The following KIAA0825 variants were observed in gnomAD, a reference collection of about 807,000 sequenced individuals.
KIAA0825 encodes the protein KIAA0825.
KIAA0825 carries 119 observed loss-of-function variants against 147.6 expected under a neutral mutation model. The ratio of observed to expected loss-of-function variants is 0.81; its 90% CI spans 0.69 to 0.94. KIAA0825 has a LOEUF of 0.94. Among genes scored for constraint, KIAA0825 ranks in the 40% least tolerant of loss-of-function variants. The pLI is 0.00. For missense variants in KIAA0825, 1,381 were observed against 1,472.7 expected (o/e 0.94, Z 1.02); for synonymous variants, 470 against 518.1 (o/e 0.91, Z 1.26).
At chr5:94,485,489 G>A (rs188983389) in intron 5 of KIAA0825, among the ~76,000 whole-genome samples, 2 of 151,764 alleles carry the variant, frequency 1.3e-5, no homozygotes, top group East Asian at 1.9e-4. Flanking sequence ...TGCTATTACT[G>A]TATGACTTAA....
chr5:94,556,561 T>C (rs1454391579), intron 2 of KIAA0825, among the ~76,000 whole-genome samples: 2 of 152,224 alleles, frequency 1.3e-5, no homozygotes, highest in Non-Finnish European at 2.9e-5. Flanking sequence ...CATATTAATG[T>C]GGTACTATTT....
At chr5:94,582,963 G>A (rs1374262741) in intron 1 of KIAA0825, among the ~76,000 whole-genome samples, 1 of 152,040 alleles carries the variant, frequency 6.6e-6, no homozygotes, top group African/African-American at 2.4e-5. Context: ...TTCTTGTTTA[G>A]TTACTATTTG....
At chr5:94,414,245 A>G (rs1476415485) in intron 15 of KIAA0825, 2 of 152,192 alleles carry the variant, frequency 1.3e-5, no homozygotes, top group Non-Finnish European at 2.9e-5. Context: ...ATACTTTTTG[A>G]GTATATTACT....
intron 2 of KIAA0825, among the ~76,000 whole-genome samples, chr5:94,540,568 G>A (rs953061857): frequency 6.6e-6 from 1 of 152,182 alleles, no homozygotes; most frequent in African/African-American, 2.4e-5. Flanking sequence ...TGTGTTGTGT[G>A]TGATGTTTAT....
At chr5:94,315,663 CTT>C (rs1375908131) in intron 20 of KIAA0825, among the ~76,000 whole-genome samples, 1 of 151,542 alleles carries the variant, frequency 6.6e-6, no homozygotes, top group Non-Finnish European at 1.5e-5. Context: ...ATTTTTAAAA[CTT>C]AATTTATTCA....
chr5:94,199,905 G>A lies in KIAA0825; in HGVS notation c.3711-45781C>T, dbSNP rs141635809. The stretch of plus-strand genomic sequence containing the variant: ...AAAGTGCTTTAGTGGGGAAGCTGAG[G>A]CTGTGCTGTAAGTTGGTGTGGCCAG... On this transcript the variant is annotated intron_variant, in intron 20 of 20. Coordinates refer to ENST00000682413, the MANE Select transcript of KIAA0825 (RefSeq NM_001145678.3). Among the ~76,000 whole-genome samples the A allele has an allele frequency of 5.9e-5, 9 of 152,318 alleles. No homozygotes were observed. In the East Asian group the frequency reaches 1.5e-3, roughly 26 times the overall value.
chr5:94,225,623 C>G (rs1446541871), intron 20 of KIAA0825, among the ~76,000 whole-genome samples: 1 of 152,190 alleles, frequency 6.6e-6, no homozygotes, highest in Non-Finnish European at 1.5e-5. Flanking sequence ...GAGATGCCAG[C>G]CATCTGCAAT....
At chr5:94,237,907 C>G (rs777835607) in intron 20 of KIAA0825, among the ~76,000 whole-genome samples, 34 of 152,150 alleles carry the variant, frequency 2.2e-4, no homozygotes, top group South Asian at 4.1e-4. Flanking sequence ...GCTTTTGAGT[C>G]TTCTGTATTC....
chr5:94,270,784 G>A (rs916082586), intron 20 of KIAA0825, among the ~76,000 whole-genome samples: 5 of 152,092 alleles, frequency 3.3e-5, no homozygotes, highest in Admixed American at 6.5e-5. Flanking sequence ...GTAAATAAAT[G>A]TATGTATGGA....
At chr5:94,409,696 A>C (rs1196784143) in intron 15 of KIAA0825, among the ~76,000 whole-genome samples, 1 of 152,212 alleles carries the variant, frequency 6.6e-6, no homozygotes, top group Non-Finnish European at 1.5e-5. Context: ...CTAAGTTCAG[A>C]CCAGAGTGGC....
rs1784924411 is a variant in KIAA0825, at chr5:94,594,551, T to C, written c.-152-11968A>G. 3 of 743,248 alleles carry C rather than the reference T, an allele frequency of 4.0e-6. No individual in the cohort carries two copies. In the Admixed American group the frequency reaches 5.4e-5, roughly 13 times the overall value. The allele number at this position is 743,248 out of a possible 1,614,324, so 46.0% of individuals were successfully genotyped here. A position where few individuals can be genotyped will look rare whatever the true frequency, so the allele number is the denominator to read the frequency against. On this transcript the variant is annotated intron_variant, in intron 1 of 20. Coordinates refer to ENST00000682413, the MANE Select transcript of KIAA0825 (RefSeq NM_001145678.3). ...CCTGGGAATCAAATACTGAAATAGTTGGATCAAGGCTGCCACCAGGAGCTG... is the reference window on the plus strand; with the variant it reads ...CCTGGGAATCAAATACTGAAATAGTCGGATCAAGGCTGCCACCAGGAGCTG...
At chr5:94,486,024 C>A (rs1297094799) in intron 5 of KIAA0825, among the ~76,000 whole-genome samples, 1 of 151,784 alleles carries the variant, frequency 6.6e-6, no homozygotes, top group Non-Finnish European at 1.5e-5. Flanking sequence ...CCTTTATACT[C>A]TTTAAGAGTA....
chr5:94,426,549 G>A (rs1161917259), intron 14 of KIAA0825, among the ~76,000 whole-genome samples: 2 of 152,166 alleles, frequency 1.3e-5, no homozygotes, highest in Non-Finnish European at 2.9e-5. Flanking sequence ...CCAGAGGCTT[G>A]GAATAGCGTG....
intron 5 of KIAA0825, among the ~76,000 whole-genome samples, chr5:94,489,902 A>G (rs1022304390): frequency 4.6e-5 from 7 of 151,784 alleles, no homozygotes; most frequent in East Asian, 3.9e-4. Context: ...AAAAAAAAAA[A>G]AAAAGAAAGA....
Position 94,314,958 on chromosome 5 carries a change from C to T in KIAA0825, c.3710+69410G>A, listed in dbSNP as rs146688456. On this transcript the variant is annotated intron_variant, in intron 20 of 20. Transcript: ENST00000682413. Reference sequence around the variant, plus strand: ...TTGATGTATTCGTATGTTTAGTTGACGTTGCTCTCTCTCTCATTGGCAGCG... The same window carrying T: ...TTGATGTATTCGTATGTTTAGTTGATGTTGCTCTCTCTCTCATTGGCAGCG... Among the ~76,000 whole-genome samples the T allele has an allele frequency of 4.1e-3, 617 of 151,664 alleles. 16 individuals are homozygous for T. The highest frequency in any genetic ancestry group is 0.036 in the Admixed American group (549 of 15,166).
At chr5:94,613,131 A>G (rs1789358774) in intron 1 of KIAA0825, among the ~76,000 whole-genome samples, 2 of 152,156 alleles carry the variant, frequency 1.3e-5, no homozygotes, top group African/African-American at 4.8e-5. Flanking sequence ...GAACTTTTAT[A>G]GTTGTTAAAA....
At chr5:94,278,726 G>A (rs1777330123) in intron 20 of KIAA0825, among the ~76,000 whole-genome samples, 1 of 152,092 alleles carries the variant, frequency 6.6e-6, no homozygotes, top group African/African-American at 2.4e-5. Context: ...TACTTCTTAA[G>A]TCATATTTTT....
chr5:94,358,164 G>A (rs190241133), intron 20 of KIAA0825, among the ~76,000 whole-genome samples: 272 of 152,272 alleles, frequency 1.8e-3, no homozygotes, highest in Non-Finnish European at 2.7e-3. Flanking sequence ...TCAGTTGGCC[G>A]GTATTCTTAC....
At position 94,399,392 on chromosome 5, in the gene KIAA0825, C is replaced by T. The variant is rs9314109; in HGVS notation, c.2888-2883G>A. Among the ~76,000 whole-genome samples, 1,231 of 152,166 alleles carry T rather than the reference C, an allele frequency of 8.1e-3. 23 individuals carry two copies. The highest frequency in any genetic ancestry group is 0.029 in the African/African-American group (1,191 of 41,520). On this transcript the variant is annotated intron_variant, in intron 16 of 20. Transcript: ENST00000682413. The stretch of plus-strand genomic sequence containing the variant: ...CTAAGTAGATATTAGGTAAAGATTA[C>T]CAATTTTCTTCTTCACACCTACACT...
Sources: allele counts gnomAD v4.1 joint callset (sites outside exome capture counted in the v4.1 genomes callset), GRCh38; gene constraint gnomAD v4.1.1; transcripts MANE v1.5; gene names NCBI Gene and HGNC (gene_info 2026-07-23, HGNC 2026-07-21).